The following POLR1C variants were observed in gnomAD, a reference collection of about 807,000 sequenced individuals.
The protein encoded by POLR1C is RNA polymerase I and III subunit C, also known as DNA-directed RNA polymerases I and III subunit RPAC1.
POLR1C carries 42 observed loss-of-function variants against 38.3 expected under a neutral mutation model. That is an observed-to-expected ratio of 1.10 (90% CI 0.86 to 1.42). POLR1C has a LOEUF of 1.42. Ranked by LOEUF, POLR1C falls within the 40% of genes most tolerant of loss-of-function variation. The probability of loss-of-function intolerance (pLI) is 0.00; values close to 1 mark genes in which losing one functional copy is unlikely to be tolerated. For synonymous variants in POLR1C, 163 were observed against 163.9 expected (o/e 0.99, Z 0.04); for missense variants, 507 against 450.5 (o/e 1.13, Z -1.14).
intron 10 of POLR1C, among the ~76,000 whole-genome samples, chr6:43,559,562 A>C (rs917918247): frequency 6.6e-6 from 1 of 152,152 alleles, no homozygotes; most frequent in Non-Finnish European, 1.5e-5. Flanking sequence ...CTCCTCTTGG[A>C]ATCTTCCTGA....
At chr6:43,539,716 CGGA>C (rs929590344) in intron 9 of POLR1C, 8 of 650,980 alleles carry the variant, frequency 1.2e-5, no homozygotes, top group African/African-American at 7.3e-5. Context: ...GGTGTTTTCT[CGGA>C]GAAGAAGCTA....
In POLR1C at chr6:43,529,544, A is replaced by G. The variant is rs538213641; in HGVS notation, c.*189A>G. On this transcript the variant is annotated 3_prime_UTR_variant, in exon 9 of 9. Coordinates refer to the POLR1C transcript ENST00000304004. Reference sequence around the variant, plus strand: ...ACTCCAGCCTGGGCAACAGAGCAAGACTCCGTCTCAAAAAAAAAAAAAAAG... The same window carrying G: ...ACTCCAGCCTGGGCAACAGAGCAAGGCTCCGTCTCAAAAAAAAAAAAAAAG... 3.1e-4 allele frequency: 51 copies of G among 162,548 alleles called. 1 individual carries two copies. The highest frequency in any genetic ancestry group is 6.1e-4 in the South Asian group (5 of 8,156). The allele number at this position is 162,548 out of a possible 1,614,324, so 10.1% of individuals were successfully genotyped here. A position where few individuals can be genotyped will look rare whatever the true frequency, so the allele number is the denominator to read the frequency against.
In POLR1C at chr6:43,529,040, A is replaced by T; in HGVS notation, c.923-209A>T. On this transcript the variant is annotated intron_variant, in intron 8 of 8. Coordinates refer to the POLR1C transcript ENST00000304004. ...CTAAAGGATTTGCCAGATGTCAAAA[A>T]TATCCTGTGTTAACAGTGAAAAAAT... is the stretch of plus-strand genomic sequence containing the variant. The T allele has an allele frequency of 2.6e-6, 3 of 1,150,634 alleles. No homozygotes were observed. The South Asian group carries it at 4.5e-5, about 17-fold the overall frequency. 71.3% of individuals were successfully genotyped at this position (1,150,634 alleles called of 1,614,324 possible).
At position 43,555,002 on chromosome 6, in the gene POLR1C, C is replaced by T. The variant is rs1415427593; in HGVS notation, c.*48+3991C>T. 3.5e-5 allele frequency: 5 copies of T among 144,738 alleles called. No individual in the cohort carries two copies. The Admixed American group carries it at 3.6e-4, about 11-fold the overall frequency. The allele number at this position is 144,738 out of a possible 1,614,324, so 9.0% of individuals were successfully genotyped here. ...CGTTGCCCAGGCTGGAGTACAATGG[C>T]GCCATCTCGGCTAACCGCAACCTAC... On this transcript the variant is annotated intron_variant, in intron 10 of 10. Coordinates refer to the POLR1C transcript ENST00000607635.
chr6:43,520,327 T>C lies in POLR1C; in HGVS notation c.555T>C (p.Phe185=). 1 of 1,613,400 alleles carries C rather than the reference T, an allele frequency of 6.2e-7. No individual in the cohort carries two copies. The highest frequency in any genetic ancestry group is 8.5e-7 in the Non-Finnish European group (1 of 1,180,030). ...WIPLGNQADL[F]PEGTIRPVHD... is the part of the protein sequence containing the mutation. ...CCCTGGGGAACCAGGCTGATCTCTT[T>C]CCAGAGGGCACTATCCGACCAGTGC... The change falls in exon 6 of 9, where the codon TTT becomes TTC. Residue 185 remains phenylalanine (F), a synonymous_variant. Transcript: ENST00000642195.
At chr6:43,545,002 A>G (rs1794895354) in intron 9 of POLR1C, among the ~76,000 whole-genome samples, 1 of 152,094 alleles carries the variant, frequency 6.6e-6, no homozygotes, top group Non-Finnish European at 1.5e-5. Context: ...CCTCTCGAGT[A>G]GCTGGGATTA....
At chr6:43,517,830 C>G (rs1224336035) in intron 2 of POLR1C, among the ~76,000 whole-genome samples, 4 of 152,140 alleles carry the variant, frequency 2.6e-5, no homozygotes, top group South Asian at 2.1e-4. Flanking sequence ...TGTATTTAGT[C>G]TTTTGTATTG....
At chr6:43,528,712 G>T in intron 8 of POLR1C, 1 of 988,786 alleles carries the variant, frequency 1.0e-6, no homozygotes. Flanking sequence ...GCTCTGCCCA[G>T]CCAGTCTGGC....
At chr6:43,558,857 AGGTCCCC>A in intron 10 of POLR1C, 2 of 340,912 alleles carry the variant, frequency 5.9e-6, no homozygotes, top group Middle Eastern at 8.4e-4. Flanking sequence ...AATTCTTTTA[AGGTCCCC>A]AGAAAAAATG....
intron 2 of POLR1C, among the ~76,000 whole-genome samples, chr6:43,517,850 G>A (rs758446893): frequency 3.3e-5 from 5 of 152,108 alleles, no homozygotes; most frequent in Non-Finnish European, 7.4e-5. Context: ...GTTTCACTTA[G>A]CTTAAAATAA....
Position 43,551,288 on chromosome 6 carries a change from G to A in POLR1C, c.*48+277G>A, listed in dbSNP as rs757428885. ...CAAAATAAAATTTACAAAGGAGATG[G>A]GCTTTATACCTTAGAGAAGACCTGG... On this transcript the variant is annotated intron_variant, in intron 10 of 10. Transcript: ENST00000607635. 51 of 1,574,768 alleles carry A rather than the reference G, an allele frequency of 3.2e-5. No homozygotes were observed. Among genetic ancestry groups the A allele is most frequent in the Non-Finnish European group, 3.7e-5 (43 of 1,166,914 alleles).
intron 9 of POLR1C, among the ~76,000 whole-genome samples, chr6:43,540,123 C>T (rs1386487284): frequency 1.3e-5 from 2 of 152,162 alleles, no homozygotes; most frequent in East Asian, 1.9e-4. Context: ...GGCATGGTGG[C>T]GCACGCCTGT....
chr6:43,529,058 G>GA (rs1390049192), intron 8 of POLR1C: 2 of 1,115,854 alleles, frequency 1.8e-6, no homozygotes, highest in Non-Finnish European at 2.6e-6. Flanking sequence ...TGTTAACAGT[G>GA]AAAAAATCTT....
In POLR1C at chr6:43,517,096, T is replaced by C. The variant is rs377259758; in HGVS notation, c.-14T>C. 1.9e-6 allele frequency: 3 copies of C among 1,613,342 alleles called. No homozygotes were observed. The highest frequency in any genetic ancestry group is 1.7e-5 in the Admixed American group (1 of 60,010). ...GCGCGAGATAGAACCTCTAGTCTCG[T>C]GGAGAGATTGAAGATGGCGGCTTCT... is the stretch of plus-strand genomic sequence containing the variant. On this transcript the variant is annotated 5_prime_UTR_variant, in exon 1 of 9. Transcript: ENST00000642195.
intron 2 of POLR1C, among the ~76,000 whole-genome samples, chr6:43,518,421 A>G (rs1792957546): frequency 6.6e-6 from 1 of 152,158 alleles, no homozygotes; most frequent in Non-Finnish European, 1.5e-5. Context: ...GGGTCTGGGG[A>G]ACGGGAATGA....
intron 2 of POLR1C, 72 bp from the exon 3 acceptor site, chr6:43,519,261 C>T: frequency 2.2e-6 from 2 of 906,026 alleles, no homozygotes; most frequent in Non-Finnish European, 3.6e-6. Context: ...AGGGAATTAT[C>T]TAAGGGGGAG....
At chr6:43,559,000 A>G (rs17287964) in intron 10 of POLR1C, 9,403 of 158,396 alleles carry the variant, frequency 0.059, 384 homozygotes, top group Non-Finnish European at 0.088. Context: ...ATGGCAGAAA[A>G]TAAGAACACA....
chr6:43,555,601 G>A (rs1762037352), intron 10 of POLR1C: 1 of 334,012 alleles, frequency 3.0e-6, no homozygotes, highest in Middle Eastern at 8.9e-4. Context: ...AATGGAAAAT[G>A]ATGGCAAAAC....
chr6:43,520,488 A>G, intron 6 of POLR1C, 61 bp downstream of exon 6: 1 of 1,607,454 alleles, frequency 6.2e-7, no homozygotes, highest in South Asian at 1.1e-5. Context: ...GGGCAAGCTG[A>G]CTAGGGAACT....
Sources: gnomAD v4.1 joint callset for allele counts (sites outside exome capture counted in the v4.1 genomes callset) on GRCh38, gnomAD v4.1.1 for gene constraint, MANE v1.5 for transcripts, NCBI Gene and HGNC (gene_info 2026-07-23, HGNC 2026-07-21) for gene names.